The following MTR variants were observed in gnomAD, a reference collection of about 807,000 sequenced individuals.
The protein encoded by MTR is methionine synthase.
MTR carries 84 observed loss-of-function variants against 154.8 expected under a neutral mutation model. The ratio of observed to expected loss-of-function variants is 0.54; its 90% CI spans 0.45 to 0.65. The LOEUF is 0.65. Ranked by LOEUF, MTR falls within the 30% of genes least tolerant of loss-of-function variation. The pLI is 0.00. For synonymous variants in MTR, 554 were observed against 553.9 expected, an observed-to-expected ratio of 1.00 and a Z score of 0.00; for missense variants, 1,275 against 1,570.2, an observed-to-expected ratio of 0.81 and a Z score of 3.18.
chr1:236,811,407 C>T (rs1243561949), intron 5 of MTR, among the ~76,000 whole-genome samples: 1 of 152,110 alleles, frequency 6.6e-6, no homozygotes, highest in Non-Finnish European at 1.5e-5. Flanking sequence ...ACAAAACATC[C>T]AAGTATCTAG....
intron 4 of MTR, among the ~76,000 whole-genome samples, chr1:236,809,194 G>A (rs1661162553): frequency 6.6e-6 from 1 of 152,118 alleles, no homozygotes; most frequent in African/African-American, 2.4e-5. Context: ...TCCCATGATT[G>A]GCTGATATAG....
At chr1:236,811,725 G>A (rs1015190751) in intron 5 of MTR, 1 of 455,238 alleles carries the variant, frequency 2.2e-6, no homozygotes, top group Non-Finnish European at 4.4e-6. Flanking sequence ...TAACGTCATT[G>A]GCAGGTTTTT....
chr1:236,886,380 A>G lies in MTR; in HGVS notation c.2851+13A>G, dbSNP rs751659255. On this transcript the variant is annotated intron_variant, in intron 27 of 32. Coordinates refer to ENST00000366577, the MANE Select transcript of MTR (RefSeq NM_000254.3). ...GAACCTCACCCAGGTCTGTTTGGCT[A>G]TGGACTAGAGAAAGACTGGGTGTGG... The G allele has an allele frequency of 5.6e-6, 9 of 1,613,104 alleles. No homozygotes were observed. The highest frequency in any genetic ancestry group is 1.3e-5 in the African/African-American group (1 of 74,902).
In MTR at chr1:236,848,190, ATGCACCTGCTTGTCC is replaced by A. The variant is rs565123334; in HGVS notation, c.1516-2153_1516-2139del. Reference sequence around the variant, plus strand: ...AGAAATGAATTCCTGTCCTGTGAGGATGCACCTGCTTGTCCCACAAGCAGGGCTGTCTTTGGTATA... The same window carrying A: ...AGAAATGAATTCCTGTCCTGTGAGGACACAAGCAGGGCTGTCTTTGGTATA... On this transcript the variant is annotated intron_variant, in intron 15 of 32. Transcript: ENST00000366577. Among the ~76,000 whole-genome samples the A allele has an allele frequency of 3.3e-3, 505 of 152,222 alleles. 3 individuals are homozygous for A. The highest frequency in any genetic ancestry group is 6.8e-3 in the Middle Eastern group (2 of 294).
At position 236,901,151 on chromosome 1, in the gene MTR, G is replaced by A. The variant is rs1666899788; in HGVS notation, c.*3507G>A. 1 of 152,856 alleles carries A rather than the reference G, an allele frequency of 6.5e-6. No homozygotes were observed. The highest frequency in any genetic ancestry group is 1.5e-5 in the Non-Finnish European group (1 of 68,074). 9.5% of individuals were successfully genotyped at this position (152,856 alleles called of 1,614,324 possible). ...CAATGCCGAGAAAGCAATGAAGAGC[G>A]TTTCGAAGCATGCCAGCAGAACCCA... is the stretch of plus-strand genomic sequence containing the variant. On this transcript the variant is annotated 3_prime_UTR_variant, in exon 33 of 33. Coordinates refer to ENST00000366577, the MANE Select transcript of MTR (RefSeq NM_000254.3).
Position 236,859,904 on chromosome 1 carries a change from T to C in MTR, c.2025T>C (p.Leu675=), listed in dbSNP as rs1365949916. 1 of 1,613,862 alleles carries C rather than the reference T, an allele frequency of 6.2e-7. No homozygotes were observed. The highest frequency in any genetic ancestry group is 2.2e-5 in the East Asian group (1 of 44,860). ...GAAATGGCCCTGTCGAAGAACGCCT[T>C]GAGTATGCCCTTGTGAAGGTAAGTT... ...EWRNGPVEER[L]EYALVKGIEK... is the part of the protein sequence containing the mutation. The change falls in exon 19 of 33, where the codon CTT becomes CTC. Residue 675 remains leucine (L), a synonymous_variant. Transcript: ENST00000366577.
rs938903200 is a variant in MTR, at chr1:236,824,371, C to G, written c.865+152C>G. ...TGAAGAGTGTCTGGGTGCAGTGTTT[C>G]CCTGTAGACCTGAGGGAAGTTCGGC... is the stretch of plus-strand genomic sequence containing the variant. On this transcript the variant is annotated intron_variant, in intron 9 of 32. Transcript: ENST00000366577. The G allele has an allele frequency of 5.0e-5, 37 of 746,640 alleles. No homozygotes were observed. The South Asian group carries it at 5.6e-4, about 11-fold the overall frequency. The allele number at this position is 746,640 out of a possible 1,614,324, so 46.3% of individuals were successfully genotyped here. A position where few individuals can be genotyped will look rare whatever the true frequency, so the allele number is the denominator to read the frequency against.
chr1:236,795,785 G>C (rs1281854761), intron 1 of MTR, 48 bp downstream of exon 1: 1 of 1,613,616 alleles, frequency 6.2e-7, no homozygotes, highest in Non-Finnish European at 8.5e-7. Context: ...TTCTTAACTC[G>C]TGCTGTGGCC....
At chr1:236,842,370 G>T (rs947631773) in intron 15 of MTR, among the ~76,000 whole-genome samples, 8 of 152,238 alleles carry the variant, frequency 5.3e-5, no homozygotes, top group African/African-American at 1.9e-4. Context: ...AAGTGTCCTT[G>T]AGTTGTTTTC....
rs764412234 is a variant in MTR at position 236,826,925 on chromosome 1, A to G, written c.995+29A>G. ...ATAATCACCTATAGACAATATATCT[A>G]AAACCAAGTGGATAATCAGGTAATA... On this transcript the variant is annotated intron_variant, in intron 11 of 32. Coordinates refer to ENST00000366577, the MANE Select transcript of MTR (RefSeq NM_000254.3). 3 of 1,572,638 alleles carry G rather than the reference A, an allele frequency of 1.9e-6. No individual in the cohort carries two copies. The East Asian group carries it at 6.7e-5, about 35-fold the overall frequency.
chr1:236,897,400 C>A (rs868480380), intron 32 of MTR, among the ~76,000 whole-genome samples, 158 bp from the exon 33 acceptor site: 4 of 151,464 alleles, frequency 2.6e-5, no homozygotes, highest in Non-Finnish European at 4.4e-5. Flanking sequence ...GAGAAAAAGG[C>A]AACTTGGTAG....
rs539935787 is a variant in MTR at position 236,896,824 on chromosome 1, C to G, written c.3599-182C>G. Among the ~76,000 whole-genome samples the G allele has an allele frequency of 3.3e-5, 5 of 152,188 alleles. No individual in the cohort carries two copies. The South Asian group carries it at 1.0e-3, about 32-fold the overall frequency. On this transcript the variant is annotated intron_variant, in intron 31 of 32. Coordinates refer to ENST00000366577, the MANE Select transcript of MTR (RefSeq NM_000254.3). ...TGCATGTCCCGAATTTGTTTCTTCA[C>G]CTGGCAGGAATTTGCTAGACTTCTC... is the stretch of plus-strand genomic sequence containing the variant.
chr1:236,825,140 A>ATTTTTTTTTTTTTTT (rs749672025), intron 9 of MTR, among the ~76,000 whole-genome samples, 198 bp from the exon 10 acceptor site: 2 of 114,120 alleles, frequency 1.8e-5, no homozygotes, highest in African/African-American at 7.3e-5. Context: ...TTCCTCTGTG[A>ATTTTTTTTTTTTTTT]TTTTTTTTTT....
intron 24 of MTR, 45 bp from the exon 25 acceptor site, chr1:236,880,710 T>G (rs1371249032): frequency 6.9e-7 from 1 of 1,444,408 alleles, no homozygotes; most frequent in Non-Finnish European, 9.8e-7. Context: ...GTATAGGAAC[T>G]GTCAGTGCTG....
chr1:236,886,480 C>A, intron 27 of MTR, 113 bp downstream of exon 27: 2 of 926,826 alleles, frequency 2.2e-6, no homozygotes, highest in Non-Finnish European at 3.5e-6. Flanking sequence ...CGACTCTCAA[C>A]TGTGTCTAAT....
At chr1:236,814,569 A>G (rs1345298106) in intron 6 of MTR, among the ~76,000 whole-genome samples, 1 of 152,192 alleles carries the variant, frequency 6.6e-6, no homozygotes, top group Non-Finnish European at 1.5e-5. Flanking sequence ...ACCACCATCT[A>G]TTAAACATCC....
Position 236,859,931 on chromosome 1 carries a change from C to CAGGG in MTR, c.2043+10_2043+13dup. The stretch of plus-strand genomic sequence containing the variant: ...AGTATGCCCTTGTGAAGGTAAGTTA[C>CAGGG]AGGGGCCTGAACTGGAGGGCTGGAG... On this transcript the variant is annotated intron_variant, in intron 19 of 32. Coordinates refer to ENST00000366577, the MANE Select transcript of MTR (RefSeq NM_000254.3). 4 of 1,612,478 alleles carry CAGGG rather than the reference C, an allele frequency of 2.5e-6. No individual in the cohort carries two copies. Among genetic ancestry groups the CAGGG allele is most frequent in the Non-Finnish European group, 3.4e-6 (4 of 1,178,692 alleles).
At chr1:236,815,723 G>A in intron 7 of MTR, 60 bp downstream of exon 7, 1 of 1,531,806 alleles carries the variant, frequency 6.5e-7, no homozygotes. Context: ...TTTTGAGCAT[G>A]TTTTTCCCCC....
At position 236,795,521 on chromosome 1, in the gene MTR, G is replaced by A. The variant is rs2102981858; in HGVS notation, c.-183G>A. The A allele has an allele frequency of 6.5e-7, 1 of 1,527,766 alleles. No homozygotes were observed. The highest frequency in any genetic ancestry group is 8.8e-7 in the Non-Finnish European group (1 of 1,141,254). The allele number at this position is 1,527,766 out of a possible 1,614,324, so 94.6% of individuals were successfully genotyped here. ...CGCCCAGCCCCGAGAGAGGCCCTAGGGCGCTGCGGGCTTTCGGGGTCCGCA... is the reference window on the plus strand; with the variant it reads ...CGCCCAGCCCCGAGAGAGGCCCTAGAGCGCTGCGGGCTTTCGGGGTCCGCA... On this transcript the variant is annotated 5_prime_UTR_variant, in exon 1 of 33. Coordinates refer to ENST00000366577, the MANE Select transcript of MTR (RefSeq NM_000254.3).
Sources: gnomAD v4.1 joint callset for allele counts (sites outside exome capture counted in the v4.1 genomes callset) on GRCh38, gnomAD v4.1.1 for gene constraint, MANE v1.5 for transcripts, NCBI Gene and HGNC (gene_info 2026-07-23, HGNC 2026-07-21) for gene names.